The following HIVEP3 variants were observed in gnomAD, a reference collection of about 807,000 sequenced individuals.
HIVEP3 encodes HIVEP zinc finger 3, also known as transcription factor HIVEP3.
Under a neutral mutation model 152.8 loss-of-function variants are expected in HIVEP3, and 49 were observed. The ratio of observed to expected loss-of-function variants is 0.32; its 90% CI spans 0.26 to 0.41. The LOEUF is 0.41. Among genes scored for constraint, HIVEP3 ranks in the 10% least tolerant of loss-of-function variants. HIVEP3 has a pLI of 1.00. For missense variants in HIVEP3, 2,790 were observed against 3,103.3 expected (o/e 0.90, Z 2.40); for synonymous variants, 1,269 against 1,289.0 (o/e 0.98, Z 0.33).
At chr1:42,025,931 C>T (rs1046199523) in intron 1 of HIVEP3, among the ~76,000 whole-genome samples, 1 of 151,890 alleles carries the variant, frequency 6.6e-6, no homozygotes, top group Non-Finnish European at 1.5e-5. Context: ...ATTAGCCGGG[C>T]GTGGTGGTGT....
At chr1:42,004,966 C>T (rs1162568523) in intron 1 of HIVEP3, among the ~76,000 whole-genome samples, 1 of 152,166 alleles carries the variant, frequency 6.6e-6, no homozygotes, top group Non-Finnish European at 1.5e-5. Context: ...GTTCTAAATC[C>T]TTTGCTTCGA....
At chr1:41,749,404 TTGTGTGTG>T (rs3064239) in intron 1 of HIVEP3, among the ~76,000 whole-genome samples, 1 of 140,678 alleles carries the variant, frequency 7.1e-6, no homozygotes, top group Non-Finnish European at 1.6e-5. Flanking sequence ...TTAGAAAAAA[TTGTGTGTG>T]TGTGTGTGTG....
intron 1 of HIVEP3, among the ~76,000 whole-genome samples, chr1:41,939,209 A>G (rs965731446): frequency 5.9e-5 from 9 of 152,226 alleles, no homozygotes; most frequent in African/African-American, 1.7e-4. Flanking sequence ...AAAGTTGATC[A>G]ATACAAAATA....
chr1:41,510,842 T>C lies in HIVEP3; in HGVS notation c.6830A>G (p.Glu2277Gly), dbSNP rs1344294712. The C allele has an allele frequency of 6.2e-7, 1 of 1,613,146 alleles. No individual in the cohort carries two copies. The highest frequency in any genetic ancestry group is 8.5e-7 in the Non-Finnish European group (1 of 1,179,856). The change falls in exon 9 of 9, where the codon GAG (glutamate) becomes GGG (glycine). Residue 2277 changes from glutamate to glycine, a missense_variant. Glu to Gly is a moderately conservative substitution (Grantham distance 98, BLOSUM62 -2). Transcript: ENST00000372583. ...CGGGCCTCCGCCGGTCCTCTCCCTCTCCTTGGGGTAGTCCCCGCCCTCCAG... is the reference window on the plus strand; with the variant it reads ...CGGGCCTCCGCCGGTCCTCTCCCTCCCCTTGGGGTAGTCCCCGCCCTCCAG... Reference protein sequence around the residue: ...SELEGGDYPKERERTGGGPGR... With the variant: ...SELEGGDYPKGRERTGGGPGR...
At chr1:41,725,516 A>G (rs1464716992) in intron 1 of HIVEP3, among the ~76,000 whole-genome samples, 1 of 152,250 alleles carries the variant, frequency 6.6e-6, no homozygotes, top group Non-Finnish European at 1.5e-5. Flanking sequence ...CCAAAGCCCA[A>G]ACTATTGTCT....
rs763269207 is a variant in HIVEP3 at position 41,513,770 on chromosome 1, A to T, written c.5471-20T>A. The T allele has an allele frequency of 1.3e-6, 2 of 1,524,224 alleles. No homozygotes were observed. Among genetic ancestry groups the T allele is most frequent in the Non-Finnish European group, 1.8e-6 (2 of 1,135,586 alleles). 94.4% of individuals were successfully genotyped at this position (1,524,224 alleles called of 1,614,324 possible). On this transcript the variant is annotated intron_variant, in intron 7 of 8. Coordinates refer to ENST00000372583, the MANE Select transcript of HIVEP3 (RefSeq NM_024503.5). ...TGGTTCCTGAGGGCAAACACAGAAG[A>T]CCCAAGGTCACAGTTGGGCCTTGGC...
chr1:41,545,039 TACCA>T (rs1643701732), intron 5 of HIVEP3, among the ~76,000 whole-genome samples: 1 of 17,890 alleles, frequency 5.6e-5, no homozygotes, highest in Non-Finnish European at 1.3e-4. Flanking sequence ...CCACCACCAA[TACCA>T]CTACCACCAC....
chr1:41,706,299 A>AT (rs200850047), intron 1 of HIVEP3, among the ~76,000 whole-genome samples: 150 of 143,240 alleles, frequency 1.0e-3, no homozygotes, highest in African/African-American at 3.4e-3. Flanking sequence ...TTATTTACTT[A>AT]TTTTTTTTGA....
intron 1 of HIVEP3, among the ~76,000 whole-genome samples, chr1:41,978,662 T>G (rs2124508651): frequency 6.6e-6 from 1 of 152,296 alleles, no homozygotes; most frequent in East Asian, 1.9e-4. Flanking sequence ...ATTTTCAACC[T>G]TCATTCATTC....
At chr1:41,801,427 A>G (rs936027404) in intron 1 of HIVEP3, among the ~76,000 whole-genome samples, 1 of 152,116 alleles carries the variant, frequency 6.6e-6, no homozygotes, top group African/African-American at 2.4e-5. Flanking sequence ...AATACTAATC[A>G]TTTGAGAAGA....
intron 1 of HIVEP3, among the ~76,000 whole-genome samples, chr1:41,780,032 C>T (rs1270240051): frequency 5.3e-5 from 8 of 152,182 alleles, no homozygotes; most frequent in Admixed American, 1.3e-4. Context: ...TGACAAATCA[C>T]GGAGAGATTG....
chr1:41,585,812 G>C (rs1279180875), intron 3 of HIVEP3, among the ~76,000 whole-genome samples: 2 of 152,158 alleles, frequency 1.3e-5, no homozygotes, highest in Non-Finnish European at 2.9e-5. Context: ...ACTCTGGATG[G>C]GGCCATGGCT....
chr1:41,881,379 T>C (rs578200688), intron 1 of HIVEP3, among the ~76,000 whole-genome samples: 24 of 152,340 alleles, frequency 1.6e-4, no homozygotes, highest in African/African-American at 5.5e-4. Flanking sequence ...ATTTGGGTCA[T>C]AACATGAACC....
At chr1:41,649,864 T>C (rs985515601) in intron 2 of HIVEP3, among the ~76,000 whole-genome samples, 3 of 152,164 alleles carry the variant, frequency 2.0e-5, no homozygotes, top group African/African-American at 7.2e-5. Flanking sequence ...GCCAAAATTC[T>C]GTAAGACTAG....
At chr1:41,615,147 T>G (rs1368873952) in intron 3 of HIVEP3, among the ~76,000 whole-genome samples, 1 of 152,236 alleles carries the variant, frequency 6.6e-6, no homozygotes, top group African/African-American at 2.4e-5. Flanking sequence ...TTACTTTGAC[T>G]TGAATTGGAC....
intron 1 of HIVEP3, among the ~76,000 whole-genome samples, chr1:41,969,128 T>C (rs1056376371): frequency 2.0e-5 from 3 of 152,168 alleles, no homozygotes; most frequent in Admixed American, 6.5e-5. Flanking sequence ...AAAATGGCCA[T>C]ATTGCCCAAA....
At chr1:41,874,447 C>T (rs1180296559) in intron 1 of HIVEP3, among the ~76,000 whole-genome samples, 4 of 152,160 alleles carry the variant, frequency 2.6e-5, no homozygotes, top group Admixed American at 6.5e-5. Context: ...GTATGTCTAC[C>T]ACCTGGGGCT....
intron 5 of HIVEP3, among the ~76,000 whole-genome samples, chr1:41,529,748 CCACA>C (rs548728105): frequency 6.7e-6 from 1 of 148,676 alleles, no homozygotes. Context: ...TCACAACCAT[CCACA>C]CACACCCCCA....
chr1:41,701,980 T>G (rs1646369952), intron 1 of HIVEP3, among the ~76,000 whole-genome samples: 1 of 152,170 alleles, frequency 6.6e-6, no homozygotes, highest in Non-Finnish European at 1.5e-5. Context: ...TGAGGTACAC[T>G]TAAGCTTAAG....
Sources: gnomAD v4.1 joint callset for allele counts (sites outside exome capture counted in the v4.1 genomes callset) on GRCh38, gnomAD v4.1.1 for gene constraint, MANE v1.5 for transcripts, NCBI Gene and HGNC (gene_info 2026-07-23, HGNC 2026-07-21) for gene names.